Variants in CPNE3 observed in about 807,000 individuals in gnomAD.
The protein encoded by CPNE3 is copine-3.
In CPNE3, 68 loss-of-function variants were observed where a neutral mutation model predicts 63.9. The observed-to-expected ratio is 1.06, with a 90% confidence interval of 0.87 to 1.30. The LOEUF (loss-of-function observed/expected upper bound fraction) is 1.30. CPNE3 is among the 50% of genes most tolerant of loss of function. CPNE3 has a pLI of 0.00. For missense variants in CPNE3, 665 were observed against 578.1 expected, an observed-to-expected ratio of 1.15 and a Z score of -1.54; for synonymous variants, 219 against 197.5, an observed-to-expected ratio of 1.11 and a Z score of -0.91.
At chr8:86,551,666 G>A (rs1189534714) in intron 14 of CPNE3, among the ~76,000 whole-genome samples, 1 of 152,112 alleles carries the variant, frequency 6.6e-6, no homozygotes, top group Admixed American at 6.6e-5. Context: ...CACTCTCTAC[G>A]AAGAGAAAAG....
chr8:86,536,527 T>G (rs894909093), intron 6 of CPNE3, among the ~76,000 whole-genome samples: 1 of 152,092 alleles, frequency 6.6e-6, no homozygotes, highest in Non-Finnish European at 1.5e-5. Flanking sequence ...TTTATATTTT[T>G]GACTGTACCA....
chr8:86,528,134 G>T (rs1365362865), intron 2 of CPNE3, among the ~76,000 whole-genome samples: 1 of 151,486 alleles, frequency 6.6e-6, no homozygotes, highest in Non-Finnish European at 1.5e-5. Flanking sequence ...ATTTTTAGTA[G>T]AGACGAGGTC....
intron 9 of CPNE3, chr8:86,545,440 T>A (rs1286245828): frequency 6.6e-6 from 1 of 152,178 alleles, no homozygotes; most frequent in African/African-American, 2.4e-5. Flanking sequence ...CCTGAAGGTA[T>A]AAATGAATAA....
chr8:86,544,851 C>A lies in CPNE3; in HGVS notation c.732+13C>A. The A allele has an allele frequency of 6.8e-7, 1 of 1,472,018 alleles. No homozygotes were observed. Among genetic ancestry groups the A allele is most frequent in the Non-Finnish European group, 9.3e-7 (1 of 1,072,864 alleles). 91.2% of individuals were successfully genotyped at this position (1,472,018 alleles called of 1,614,324 possible). ...CAGAAGCTCACCTGTAAGTTACATC[C>A]TTGCATTTGCATATACTTTATAGTT... On this transcript the variant is annotated intron_variant, in intron 9 of 16. Coordinates refer to ENST00000517490, the MANE Select transcript of CPNE3 (RefSeq NM_003909.5).
intron 12 of CPNE3, 88 bp from the exon 13 acceptor site, chr8:86,550,958 T>G (rs1821159934): frequency 3.9e-6 from 5 of 1,275,896 alleles, no homozygotes; most frequent in Admixed American, 2.8e-5. Flanking sequence ...CTTTTTGAAA[T>G]GAGCTCATAT....
chr8:86,551,350 T>G, intron 14 of CPNE3, 116 bp downstream of exon 14: 2 of 734,112 alleles, frequency 2.7e-6, no homozygotes, highest in Non-Finnish European at 4.5e-6. Flanking sequence ...ATTTCATCTC[T>G]AGGTTTCATT....
intron 12 of CPNE3, among the ~76,000 whole-genome samples, chr8:86,549,362 A>T (rs1460162499): frequency 6.6e-6 from 1 of 152,220 alleles, no homozygotes; most frequent in Non-Finnish European, 1.5e-5. Flanking sequence ...CAAATATAAC[A>T]TAGGATTAAA....
At chr8:86,553,606 G>A (rs929625133) in intron 14 of CPNE3, among the ~76,000 whole-genome samples, 27 of 152,122 alleles carry the variant, frequency 1.8e-4, no homozygotes, top group African/African-American at 6.5e-4. Flanking sequence ...ATGTTCATAC[G>A]ATGATGAAAT....
Position 86,558,747 on chromosome 8 carries a change from A to T in CPNE3, c.*337A>T. The T allele has an allele frequency of 3.9e-6, 1 of 259,546 alleles. No homozygotes were observed. Among genetic ancestry groups the T allele is most frequent in the Non-Finnish European group, 7.6e-6 (1 of 131,358 alleles). The allele number at this position is 259,546 out of a possible 1,614,324, so 16.1% of individuals were successfully genotyped here. Reference sequence around the variant, plus strand: ...TGTGTTTAAGTGTTTGTCAATAGGAAGAATGGAAAACTGTTGGGATGATGT... The same window carrying T: ...TGTGTTTAAGTGTTTGTCAATAGGATGAATGGAAAACTGTTGGGATGATGT... On this transcript the variant is annotated 3_prime_UTR_variant, in exon 17 of 17. Transcript: ENST00000517490.
intron 6 of CPNE3, among the ~76,000 whole-genome samples, chr8:86,535,320 CTT>C (rs59696136): frequency 7.0e-6 from 1 of 142,760 alleles, no homozygotes; most frequent in Non-Finnish European, 1.5e-5. Flanking sequence ...ACAGAAAAGA[CTT>C]TTTTTTTTTT....
chr8:86,543,479 C>A (rs1186168371), intron 8 of CPNE3, among the ~76,000 whole-genome samples: 5 of 152,100 alleles, frequency 3.3e-5, no homozygotes, highest in Non-Finnish European at 7.4e-5. Context: ...TTTAGCTTGG[C>A]AGTTAATCTA....
Position 86,554,848 on chromosome 8 carries a change from T to C in CPNE3, c.1121-3T>C, listed in dbSNP as rs79787986. 277 of 1,612,566 alleles carry C rather than the reference T, an allele frequency of 1.7e-4. No individual in the cohort carries two copies. The East Asian group carries it at 5.9e-3, about 34-fold the overall frequency. On this transcript the variant is annotated splice_polypyrimidine_tract_variant and splice_region_variant and intron_variant, in intron 14 of 16. Transcript: ENST00000517490. ...CTGTTTTTTATTTGTTTGTTTGTTC[T>C]AGGAATCCAAGGCATTGTAGAGGCG...
chr8:86,544,894 C>A, intron 9 of CPNE3, 56 bp downstream of exon 9: 1 of 1,066,232 alleles, frequency 9.4e-7, no homozygotes, highest in South Asian at 1.5e-5. Context: ...GTATTTATTA[C>A]TGTATTTCAT....
intron 2 of CPNE3, among the ~76,000 whole-genome samples, chr8:86,517,683 C>T (rs1256832242): frequency 6.6e-6 from 1 of 152,166 alleles, no homozygotes; most frequent in Non-Finnish European, 1.5e-5. Context: ...TTATTGTTCC[C>T]TGTAGCACTT....
intron 2 of CPNE3, among the ~76,000 whole-genome samples, chr8:86,523,462 G>A (rs933191706): frequency 1.3e-5 from 2 of 152,122 alleles, no homozygotes; most frequent in African/African-American, 2.4e-5. Flanking sequence ...GTATATAGAC[G>A]GAGTGATGAG....
At chr8:86,521,691 CACTT>C (rs1820436561) in intron 2 of CPNE3, 1 of 152,110 alleles carries the variant, frequency 6.6e-6, no homozygotes, top group African/African-American at 2.4e-5. Flanking sequence ...GTGGTGGTGA[CACTT>C]ACTAGCTTTG....
intron 14 of CPNE3, among the ~76,000 whole-genome samples, chr8:86,553,203 C>T (rs1746928581): frequency 6.6e-6 from 1 of 151,862 alleles, no homozygotes; most frequent in South Asian, 2.1e-4. Context: ...ACTGGACTGA[C>T]TACTAGTAAC....
chr8:86,528,896 G>A, intron 3 of CPNE3, 49 bp from the exon 4 acceptor site: 2 of 1,507,998 alleles, frequency 1.3e-6, no homozygotes, highest in Non-Finnish European at 1.8e-6. Flanking sequence ...GAAAATCCAA[G>A]TGCACCTTTG....
chr8:86,520,585 A>G (rs947381312), intron 2 of CPNE3, among the ~76,000 whole-genome samples: 1 of 151,650 alleles, frequency 6.6e-6, no homozygotes, highest in Admixed American at 6.6e-5. Context: ...AGCTGAAAAA[A>G]CCTGAAGCCT....
Sources: gnomAD v4.1 joint callset for allele counts (sites outside exome capture counted in the v4.1 genomes callset) on GRCh38, gnomAD v4.1.1 for gene constraint, MANE v1.5 for transcripts, NCBI Gene and HGNC (gene_info 2026-07-23, HGNC 2026-07-21) for gene names.